NADK2: variants seen among roughly 807,000 people sequenced by gnomAD.
The protein encoded by NADK2 is NAD kinase 2, mitochondrial, also known as NAD kinase domain-containing protein 1, mitochondrial.
NADK2 carries 35 observed loss-of-function variants against 62.1 expected under a neutral mutation model. The ratio of observed to expected loss-of-function variants is 0.56; its 90% CI spans 0.43 to 0.75. The LOEUF is 0.75. NADK2 is among the 30% of genes least tolerant of loss of function. The pLI, the probability that NADK2 is intolerant of heterozygous loss-of-function variation, is 0.00. For missense variants in NADK2, 439 were observed against 561.3 expected, an observed-to-expected ratio of 0.78 and a Z score of 2.20; for synonymous variants, 205 against 207.9, an observed-to-expected ratio of 0.99 and a Z score of 0.12.
chr5:36,241,439 C>G lies in NADK2; in HGVS notation c.300+60G>C. On this transcript the variant is annotated intron_variant, in intron 1 of 11. Transcript: ENST00000381937. This position sits in a 1 kb window ranked among gnomAD's most constrained non-coding sequence, Gnocchi z 4.9. ...CCCGAGAGGTCCCCCCGAGGGGGCG[C>G]AGCCGCCACCAGAGCCCCGGCCGAG... The G allele has an allele frequency of 6.8e-7, 1 of 1,471,504 alleles. No homozygotes were observed. The highest frequency in any genetic ancestry group is 9.0e-7 in the Non-Finnish European group (1 of 1,115,070). 91.2% of individuals were successfully genotyped at this position (1,471,504 alleles called of 1,614,324 possible).
intron 1 of NADK2, among the ~76,000 whole-genome samples, chr5:36,238,454 CT>C (rs1244754298): frequency 6.6e-6 from 1 of 152,170 alleles, no homozygotes; most frequent in Non-Finnish European, 1.5e-5. Flanking sequence ...CTGCTGACTT[CT>C]TATTTGTTCT....
intron 7 of NADK2, chr5:36,208,674 C>T (rs1198342465): frequency 6.5e-7 from 1 of 1,532,756 alleles, no homozygotes; most frequent in African/African-American, 1.4e-5. Context: ...ACTGCTACAG[C>T]CCAAGAATAA....
intron 3 of NADK2, among the ~76,000 whole-genome samples, 187 bp from the exon 4 acceptor site, chr5:36,225,810 A>C (rs552686865): frequency 6.6e-6 from 1 of 152,352 alleles, no homozygotes; most frequent in Admixed American, 6.5e-5. Flanking sequence ...AGGATTTCAT[A>C]AGTGGCAAGA....
chr5:36,200,914 T>C (rs1308548279), intron 9 of NADK2, among the ~76,000 whole-genome samples, 192 bp downstream of exon 9: 1 of 152,058 alleles, frequency 6.6e-6, no homozygotes, highest in East Asian at 1.9e-4. Context: ...AAAAAGGTCA[T>C]ATGCTGAGGT....
chr5:36,197,967 T>C (rs956581988), intron 10 of NADK2, among the ~76,000 whole-genome samples: 3 of 151,958 alleles, frequency 2.0e-5, no homozygotes, highest in East Asian at 3.9e-4. Context: ...AATTAAACAA[T>C]AGAGGAATTA....
intron 5 of NADK2, among the ~76,000 whole-genome samples, chr5:36,218,849 G>A (rs1747145382): frequency 6.6e-6 from 1 of 152,056 alleles, no homozygotes; most frequent in African/African-American, 2.4e-5. Flanking sequence ...TCTCAGCATG[G>A]TTGGATTAAA....
At chr5:36,228,763 T>G (rs549116989) in intron 1 of NADK2, among the ~76,000 whole-genome samples, 1 of 151,240 alleles carries the variant, frequency 6.6e-6, no homozygotes, top group Admixed American at 6.6e-5. Flanking sequence ...GGACTACAAG[T>G]GCACACCACC....
rs911075550 is a variant in NADK2 at position 36,193,343 on chromosome 5, G to A, written c.*1801C>T. On this transcript the variant is annotated 3_prime_UTR_variant, in exon 12 of 12. Coordinates refer to ENST00000381937, the MANE Select transcript of NADK2 (RefSeq NM_001085411.3). The stretch of plus-strand genomic sequence containing the variant: ...TACAAAAAATTAGCCAGGCATAGTG[G>A]TGCCTGCCTGTAATCCCAGCTACTT... The A allele has an allele frequency of 6.6e-6, 1 of 152,078 alleles. No individual in the cohort carries two copies. Among genetic ancestry groups the A allele is most frequent in the Non-Finnish European group, 1.5e-5 (1 of 68,144 alleles). The allele number at this position is 152,078 out of a possible 1,614,324, so 9.4% of individuals were successfully genotyped here. A position where few individuals can be genotyped will look rare whatever the true frequency, so the allele number is the denominator to read the frequency against.
chr5:36,197,976 T>G (rs1270009983), intron 10 of NADK2, among the ~76,000 whole-genome samples: 1 of 151,976 alleles, frequency 6.6e-6, no homozygotes, highest in Non-Finnish European at 1.5e-5. Context: ...ATAGAGGAAT[T>G]AGATAGATGC....
In NADK2 at chr5:36,227,485, A is replaced by C. The variant is rs1292074715; in HGVS notation, c.381T>G (p.Asp127Glu). ...CAATCCCATAGACTTACCGTAAACT[A>C]TCTATAATATGTTCTACATTTTTGG... ...IHTKNVEHII[D>E]SLRNEGIEVR... The change falls in exon 2 of 12, where the codon GAT (aspartate) becomes GAG (glutamate). Residue 127 changes from aspartate to glutamate, a missense_variant. By Grantham distance (45) the Asp-to-Glu change is conservative. Coordinates refer to ENST00000381937, the MANE Select transcript of NADK2 (RefSeq NM_001085411.3). The C allele has an allele frequency of 6.6e-7, 1 of 1,517,976 alleles. No homozygotes were observed. Among genetic ancestry groups the C allele is most frequent in the East Asian group, 2.5e-5 (1 of 40,126 alleles). 94.0% of individuals were successfully genotyped at this position (1,517,976 alleles called of 1,614,324 possible).
At chr5:36,236,990 C>T (rs1747936218) in intron 1 of NADK2, among the ~76,000 whole-genome samples, 1 of 151,894 alleles carries the variant, frequency 6.6e-6, no homozygotes, top group Non-Finnish European at 1.5e-5. Context: ...GAAATACCAT[C>T]TTTCACCCAC....
At position 36,219,034 on chromosome 5, in the gene NADK2, C is replaced by T. The variant is rs1001021238; in HGVS notation, c.644+562G>A. 9.2e-5 allele frequency among the ~76,000 whole-genome samples: 14 copies of T among 152,332 alleles called. No individual in the cohort carries two copies. The South Asian group carries it at 2.7e-3, about 29-fold the overall frequency. On this transcript the variant is annotated intron_variant, in intron 5 of 11. Coordinates refer to ENST00000381937, the MANE Select transcript of NADK2 (RefSeq NM_001085411.3). The stretch of plus-strand genomic sequence containing the variant: ...TCTCACTGAAGGAGAAAAAAAATTT[C>T]TATATGCAGTTATATTATAGGCCAA...
Position 36,192,698 on chromosome 5 carries a change from A to G in NADK2, c.*2446T>C, listed in dbSNP as rs921415662. 2 of 152,244 alleles carry G rather than the reference A, an allele frequency of 1.3e-5. No homozygotes were observed. The highest frequency in any genetic ancestry group is 2.9e-5 in the Non-Finnish European group (2 of 68,042). 9.4% of individuals were successfully genotyped at this position (152,244 alleles called of 1,614,324 possible). A position where few individuals can be genotyped will look rare whatever the true frequency, so the allele number is the denominator to read the frequency against. On this transcript the variant is annotated 3_prime_UTR_variant, in exon 12 of 12. Transcript: ENST00000381937. ...TCTGAAGAGCCTACACTGACCAGGT[A>G]AGCACTTCACCCTGATTTAATAACT...
chr5:36,226,448 A>G lies in NADK2; in HGVS notation c.478+27T>C, dbSNP rs115094429. On this transcript the variant is annotated intron_variant, in intron 3 of 11. Coordinates refer to ENST00000381937, the MANE Select transcript of NADK2 (RefSeq NM_001085411.3). Reference sequence around the variant, plus strand: ...GTGTATTAAACATTTGTATATGCCAACATCTTTACTTCTGTCAAATTATTA... The same window carrying G: ...GTGTATTAAACATTTGTATATGCCAGCATCTTTACTTCTGTCAAATTATTA... The G allele has an allele frequency of 2.0e-4, 316 of 1,563,992 alleles. 2 individuals carry two copies. In the African/African-American group the frequency reaches 3.8e-3, roughly 19 times the overall value.
chr5:36,195,582 T>C (rs1746201485), intron 11 of NADK2, among the ~76,000 whole-genome samples: 1 of 152,226 alleles, frequency 6.6e-6, no homozygotes, highest in African/African-American at 2.4e-5. Context: ...AAGTATTGAA[T>C]AAGAGTGTTA....
At chr5:36,195,494 T>G (rs1381534183) in intron 11 of NADK2, among the ~76,000 whole-genome samples, 1 of 152,136 alleles carries the variant, frequency 6.6e-6, no homozygotes, top group Non-Finnish European at 1.5e-5. Flanking sequence ...CATTTAGCAG[T>G]AAAGAAGTGC....
At chr5:36,197,184 G>A (rs1354687854) in intron 11 of NADK2, among the ~76,000 whole-genome samples, 1 of 151,946 alleles carries the variant, frequency 6.6e-6, no homozygotes, top group Non-Finnish European at 1.5e-5. Flanking sequence ...TTCTATCAGT[G>A]TTTATTGTGT....
At chr5:36,196,886 G>T (rs1464252085) in intron 11 of NADK2, among the ~76,000 whole-genome samples, 1 of 151,928 alleles carries the variant, frequency 6.6e-6, no homozygotes, top group Non-Finnish European at 1.5e-5. Context: ...AAAATTAATT[G>T]TATGTCTATA....
Position 36,241,571 on chromosome 5 carries a change from T to C in NADK2, c.228A>G (p.Lys76=). The C allele has an allele frequency of 6.5e-7, 1 of 1,548,708 alleles. No homozygotes were observed. Among genetic ancestry groups the C allele is most frequent in the East Asian group, 2.6e-5 (1 of 38,292 alleles). The change falls in exon 1 of 12, where the codon AAA becomes AAG. Residue 76 remains lysine (K), a synonymous_variant. Coordinates refer to ENST00000381937, the MANE Select transcript of NADK2 (RefSeq NM_001085411.3). The surrounding 1 kb of genome is among the most constrained non-coding windows in gnomAD (Gnocchi z 4.9). ...GCTGCTCGAACTCGTACCGGGTGGT[T>C]TTGGCCACCACCACCACCCGGGAGG... ...FRPSRVVVVA[K]TTRYEFEQQR...
Sources: allele counts gnomAD v4.1 joint callset (sites outside exome capture counted in the v4.1 genomes callset), GRCh38; gene constraint gnomAD v4.1.1; non-coding constraint Gnocchi (gnomAD v3.1); transcripts MANE v1.5; gene names NCBI Gene and HGNC (gene_info 2026-07-23, HGNC 2026-07-21).